The following RTN4 variants were observed in gnomAD, a reference collection of about 807,000 sequenced individuals.
The protein encoded by RTN4 is reticulon 4, also known as reticulon-4.
Under a neutral mutation model 90.4 loss-of-function variants are expected in RTN4, and 32 were observed. The ratio of observed to expected loss-of-function variants is 0.35; its 90% confidence interval spans 0.27 to 0.48. The LOEUF (loss-of-function observed/expected upper bound fraction) is 0.48. Ranked by LOEUF, RTN4 falls within the 20% of genes least tolerant of loss-of-function variation. The pLI is 0.99. For synonymous variants in RTN4, 629 were observed against 552.5 expected (o/e 1.14, Z -1.94); for missense variants, 1,706 against 1,430.2 (o/e 1.19, Z -3.11).
chr2:54,978,953 T>C (rs369224413), intron 5 of RTN4, among the ~76,000 whole-genome samples: 2 of 152,170 alleles, frequency 1.3e-5, no homozygotes, highest in Non-Finnish European at 2.9e-5. Flanking sequence ...TTGCTTGCTT[T>C]AGGGTGACAG....
At chr2:54,992,686 T>C (rs2104702201) in intron 3 of RTN4, among the ~76,000 whole-genome samples, 2 of 151,922 alleles carry the variant, frequency 1.3e-5, no homozygotes, top group Middle Eastern at 6.8e-3. Context: ...AAAAAAGTGA[T>C]ACAGATCTAC....
chr2:55,048,706 T>C (rs1181056551), intron 1 of RTN4, among the ~76,000 whole-genome samples: 1 of 152,162 alleles, frequency 6.6e-6, no homozygotes, highest in African/African-American at 2.4e-5. Flanking sequence ...ACCTAAAACA[T>C]ATCCTTCTGA....
rs71769973 is a variant in RTN4, at chr2:54,985,153, CTTTTTTTTTTTTTTTT to C, written c.3221+2322_3221+2337del. ...TGGCTTGATAATAATATGACTCGGC[CTTTTTTTTTTTTTTTT>C]TTTTTTTTTTGAAAGAGTCTCGTTC... On this transcript the variant is annotated intron_variant, in intron 4 of 8. Transcript: ENST00000337526. 1.3e-3 allele frequency among the ~76,000 whole-genome samples: 78 copies of C among 57,898 alleles called. 2 individuals carry two copies. In the East Asian group the frequency reaches 0.045, roughly 34 times the overall value. 38.0% of individuals were successfully genotyped at this position (57,898 alleles called of 152,430 possible). A position where few individuals can be genotyped will look rare whatever the true frequency, so the allele number is the denominator to read the frequency against.
At chr2:54,995,574 T>C (rs574688681) in intron 3 of RTN4, among the ~76,000 whole-genome samples, 7 of 152,322 alleles carry the variant, frequency 4.6e-5, no homozygotes, top group Non-Finnish European at 8.8e-5. Context: ...TCTGTATTCA[T>C]TCATTCATTC....
chr2:54,984,168 T>G (rs1037905030), intron 4 of RTN4, among the ~76,000 whole-genome samples: 3 of 152,194 alleles, frequency 2.0e-5, no homozygotes, highest in African/African-American at 7.2e-5. Flanking sequence ...TGCCAATCTC[T>G]TTCATAAAAC....
At chr2:55,125,117 A>G in the RTN4 span, among the ~76,000 whole-genome samples, 3 of 152,254 alleles carry the variant, frequency 2.0e-5, no homozygotes, top group African/African-American at 7.2e-5. Context: ...CTAAAGATGA[A>G]TTAAAGTCTT....
intron 2 of RTN4, among the ~76,000 whole-genome samples, chr2:55,057,910 G>A (rs1194219376): frequency 1.3e-5 from 2 of 152,164 alleles, no homozygotes; most frequent in Non-Finnish European, 2.9e-5. Flanking sequence ...TTGAGCCAAG[G>A]AGGTCAAGGT....
At chr2:55,096,396 T>C (rs2105050762) in intron 1 of RTN4, among the ~76,000 whole-genome samples, 1 of 152,186 alleles carries the variant, frequency 6.6e-6, no homozygotes, top group African/African-American at 2.4e-5. Flanking sequence ...ATCTCTTGGC[T>C]GAGCTTCCAA....
Position 55,019,356 on chromosome 2 carries a change from ATAGG to A in RTN4, c.3013+5726_3013+5729del, listed in dbSNP as rs1357182363. Among the ~76,000 whole-genome samples the A allele has an allele frequency of 2.6e-5, 4 of 152,198 alleles. No individual in the cohort carries two copies. The East Asian group carries it at 7.7e-4, about 29-fold the overall frequency. The stretch of plus-strand genomic sequence containing the variant: ...TACTAAATTGGAGGGGCGAATTTTG[ATAGG>A]GAGCAGGATATCTGCATGTGTTCAA... On this transcript the variant is annotated intron_variant, in intron 3 of 8. Coordinates refer to ENST00000337526, the MANE Select transcript of RTN4 (RefSeq NM_020532.5).
At chr2:55,034,504 A>C (rs1305419815) in intron 1 of RTN4, among the ~76,000 whole-genome samples, 1 of 152,196 alleles carries the variant, frequency 6.6e-6, no homozygotes, top group Non-Finnish European at 1.5e-5. Context: ...CTTATCTCTA[A>C]ACGAACAAAC....
chr2:55,091,372 C>T (rs1024288395), intron 1 of RTN4, among the ~76,000 whole-genome samples: 1 of 152,224 alleles, frequency 6.6e-6, no homozygotes, highest in African/African-American at 2.4e-5. Context: ...AGCCTCCGTA[C>T]ATGCTATTTT....
At chr2:55,092,595 A>C (rs944068894) in intron 1 of RTN4, among the ~76,000 whole-genome samples, 2 of 152,200 alleles carry the variant, frequency 1.3e-5, no homozygotes, top group Non-Finnish European at 2.9e-5. Context: ...AAAGTGCTCA[A>C]CACAAACTTG....
the RTN4 span, among the ~76,000 whole-genome samples, chr2:55,123,432 G>A: frequency 6.6e-6 from 1 of 151,990 alleles, no homozygotes; most frequent in Admixed American, 6.6e-5. Flanking sequence ...AAGAGCTCCA[G>A]TAACAATTGC....
intron 1 of RTN4, among the ~76,000 whole-genome samples, chr2:55,092,943 G>A (rs1181944107): frequency 6.6e-6 from 1 of 152,144 alleles, no homozygotes; most frequent in East Asian, 1.9e-4. Flanking sequence ...AAACTTTTTT[G>A]TTTGATTTTA....
chr2:55,093,019 C>G (rs1044747648), intron 1 of RTN4, among the ~76,000 whole-genome samples: 2 of 152,162 alleles, frequency 1.3e-5, no homozygotes, highest in Non-Finnish European at 2.9e-5. Flanking sequence ...ATAAAAATAA[C>G]CATTGTGTGT....
At chr2:55,020,121 C>T (rs12475787) in intron 3 of RTN4, among the ~76,000 whole-genome samples, 38,113 of 151,846 alleles carry the variant, frequency 0.25, 5,509 homozygotes, top group Non-Finnish European at 0.33. Context: ...AAAAAATGGC[C>T]GTAATATCCA....
At chr2:55,022,348 C>G (rs1056244551) in intron 3 of RTN4, among the ~76,000 whole-genome samples, 3 of 152,194 alleles carry the variant, frequency 2.0e-5, no homozygotes, top group Admixed American at 2.0e-4. Flanking sequence ...AACCCCCATT[C>G]CACTGTGAAC....
chr2:54,975,055 C>T (rs1677509677), intron 5 of RTN4, among the ~76,000 whole-genome samples: 1 of 152,194 alleles, frequency 6.6e-6, no homozygotes, highest in South Asian at 2.1e-4. Context: ...CCAGCCCTAA[C>T]AACATTTACC....
intron 1 of RTN4, among the ~76,000 whole-genome samples, chr2:55,102,336 A>T (rs942923355): frequency 6.6e-6 from 1 of 152,134 alleles, no homozygotes; most frequent in Non-Finnish European, 1.5e-5. Flanking sequence ...GAAGGGCCAG[A>T]TAGTAAATCT....
Sources: gnomAD v4.1 joint callset for allele counts (sites outside exome capture counted in the v4.1 genomes callset) on GRCh38, gnomAD v4.1.1 for gene constraint, MANE v1.5 for transcripts, NCBI Gene and HGNC (gene_info 2026-07-23, HGNC 2026-07-21) for gene names.